The following RSRC1 variants were observed in gnomAD, a reference collection of about 807,000 sequenced individuals.
The protein encoded by RSRC1 is serine/Arginine-related protein 53.
A neutral mutation model predicts 49.1 loss-of-function variants in RSRC1; 39 were observed. That is an observed-to-expected ratio of 0.79 (90% CI 0.61 to 1.04). The LOEUF is 1.04. RSRC1 is among the 50% of genes least tolerant of loss of function. RSRC1 has a pLI of 0.00. For missense variants in RSRC1, 388 were observed against 402.4 expected, an observed-to-expected ratio of 0.96 and a Z score of 0.31; for synonymous variants, 143 against 130.8, an observed-to-expected ratio of 1.09 and a Z score of -0.63.
intron 7 of RSRC1, among the ~76,000 whole-genome samples, chr3:158,472,176 G>T (rs1427569006): frequency 6.6e-6 from 1 of 151,962 alleles, no homozygotes; most frequent in Non-Finnish European, 1.5e-5. Flanking sequence ...ATAATTCCAA[G>T]ATAAGGTTGT....
intron 4 of RSRC1, among the ~76,000 whole-genome samples, chr3:158,265,807 G>A (rs928123272): frequency 2.6e-5 from 4 of 152,014 alleles, no homozygotes; most frequent in African/African-American, 7.3e-5. Context: ...TCAAGGTCAC[G>A]AAGATTTTCT....
chr3:158,378,065 G>A (rs140146774), intron 6 of RSRC1, among the ~76,000 whole-genome samples: 18 of 151,830 alleles, frequency 1.2e-4, no homozygotes, highest in Non-Finnish European at 2.4e-4. Context: ...CATCTCTATC[G>A]CTCTGTTTTA....
intron 3 of RSRC1, among the ~76,000 whole-genome samples, chr3:158,142,979 A>C (rs976779922): frequency 4.6e-5 from 7 of 152,224 alleles, no homozygotes; most frequent in African/African-American, 1.7e-4. Context: ...TAGTAGATTC[A>C]GTAGATTGAA....
intron 3 of RSRC1, among the ~76,000 whole-genome samples, chr3:158,195,268 A>T (rs1433597966): frequency 4.6e-5 from 7 of 151,218 alleles, no homozygotes; most frequent in Non-Finnish European, 1.5e-5. Context: ...GCATTTTTTC[A>T]TGTGTCTGTT....
At chr3:158,173,525 AT>A (rs1360843127) in intron 3 of RSRC1, among the ~76,000 whole-genome samples, 1 of 151,992 alleles carries the variant, frequency 6.6e-6, no homozygotes, top group Non-Finnish European at 1.5e-5. Context: ...ATGTATGTAT[AT>A]ATCACTAAAT....
intron 4 of RSRC1, among the ~76,000 whole-genome samples, chr3:158,239,585 G>T (rs904447848): frequency 6.6e-6 from 1 of 151,232 alleles, no homozygotes; most frequent in Admixed American, 6.6e-5. Flanking sequence ...GGGGTGGGGG[G>T]CTGGGGGAGG....
rs964302087 is a variant in RSRC1 at position 158,438,277 on chromosome 3, C to G, written c.584-22658C>G. Among the ~76,000 whole-genome samples, 47 of 152,302 alleles carry G rather than the reference C, an allele frequency of 3.1e-4. 1 individual carries two copies. The highest frequency in any genetic ancestry group is 1.1e-3 in the African/African-American group (45 of 41,570). On this transcript the variant is annotated intron_variant, in intron 6 of 9. Coordinates refer to ENST00000611884, the MANE Select transcript of RSRC1 (RefSeq NM_001271838.2). ...TTTATAGATACAATGCCATCCCCAT[C>G]AAGCTGCCAATGACTTTCTTCACAG...
intron 5 of RSRC1, among the ~76,000 whole-genome samples, chr3:158,338,355 A>G (rs2108209435): frequency 6.6e-6 from 1 of 152,250 alleles, no homozygotes; most frequent in South Asian, 2.1e-4. Flanking sequence ...ACTTGGTACT[A>G]AGTTCTAGAG....
intron 4 of RSRC1, among the ~76,000 whole-genome samples, chr3:158,228,785 GTA>G (rs1207425222): frequency 1.3e-5 from 2 of 151,272 alleles, no homozygotes; most frequent in Non-Finnish European, 3.0e-5. Context: ...ATGTGTGTGT[GTA>G]TATATATGTG....
At chr3:158,456,906 G>A (rs1278611134) in intron 6 of RSRC1, among the ~76,000 whole-genome samples, 1 of 152,076 alleles carries the variant, frequency 6.6e-6, no homozygotes, top group Non-Finnish European at 1.5e-5. Context: ...GGTTTTAAAT[G>A]GTATGTGAAG....
Position 158,544,366 on chromosome 3 carries a change from G to GTT in RSRC1, c.*91_*92insTT. ...AATATTAACTTTTTACTCTTAAAAA[G>GTT]AATTTTGCTGATTATATATAAAGGT... On this transcript the variant is annotated 3_prime_UTR_variant, in exon 10 of 10. Transcript: ENST00000611884. 1.4e-6 allele frequency: 1 copy of GTT among 733,674 alleles called. No homozygotes were observed. The highest frequency in any genetic ancestry group is 2.2e-6 in the Non-Finnish European group (1 of 446,408). 45.4% of individuals were successfully genotyped at this position (733,674 alleles called of 1,614,324 possible).
intron 6 of RSRC1, among the ~76,000 whole-genome samples, chr3:158,418,689 G>A (rs1419781423): frequency 6.6e-6 from 1 of 151,866 alleles, no homozygotes; most frequent in Admixed American, 6.6e-5. Context: ...CCTGCCTCAG[G>A]ACAAGAATAC....
intron 7 of RSRC1, among the ~76,000 whole-genome samples, chr3:158,463,979 A>G (rs935286472): frequency 2.0e-5 from 3 of 150,824 alleles, no homozygotes; most frequent in African/African-American, 7.3e-5. Context: ...TCTTTCAGTA[A>G]AGGTCAACTA....
intron 7 of RSRC1, among the ~76,000 whole-genome samples, chr3:158,500,214 C>T (rs1418766786): frequency 1.3e-5 from 2 of 152,270 alleles, no homozygotes; most frequent in African/African-American, 4.8e-5. Flanking sequence ...TCATATGAAA[C>T]CTACTTCATC....
chr3:158,418,031 A>T (rs907937523), intron 6 of RSRC1, among the ~76,000 whole-genome samples: 3 of 151,962 alleles, frequency 2.0e-5, no homozygotes, highest in African/African-American at 7.2e-5. Flanking sequence ...CCTAGAAGGG[A>T]ATCACATGAG....
intron 6 of RSRC1, among the ~76,000 whole-genome samples, chr3:158,397,184 G>A (rs1205168473): frequency 6.6e-6 from 1 of 152,088 alleles, no homozygotes; most frequent in East Asian, 1.9e-4. Flanking sequence ...GGAAGCATCT[G>A]GCAAAGTTGC....
At chr3:158,298,435 G>A (rs1727359962) in intron 5 of RSRC1, among the ~76,000 whole-genome samples, 2 of 152,000 alleles carry the variant, frequency 1.3e-5, no homozygotes, top group South Asian at 4.1e-4. Flanking sequence ...AATATTGCAT[G>A]CATAAATATG....
At chr3:158,301,855 C>T (rs1483763371) in intron 5 of RSRC1, among the ~76,000 whole-genome samples, 1 of 152,098 alleles carries the variant, frequency 6.6e-6, no homozygotes, top group Non-Finnish European at 1.5e-5. Flanking sequence ...CAAAATTATA[C>T]ACAGTGGTAT....
intron 4 of RSRC1, among the ~76,000 whole-genome samples, chr3:158,262,169 C>T (rs1578258083): frequency 6.6e-6 from 1 of 152,042 alleles, no homozygotes; most frequent in East Asian, 1.9e-4. Flanking sequence ...TTTTATAGGT[C>T]ATGTGTTTCG....
Sources: allele counts gnomAD v4.1 joint callset (sites outside exome capture counted in the v4.1 genomes callset), GRCh38; gene constraint gnomAD v4.1.1; transcripts MANE v1.5; gene names NCBI Gene and HGNC (gene_info 2026-07-23, HGNC 2026-07-21).